ODF2: variants seen among roughly 807,000 people sequenced by gnomAD.
The protein encoded by ODF2 is outer dense fiber of sperm tails 2, also known as outer dense fiber protein 2.
In ODF2, 47 loss-of-function variants were observed where a neutral mutation model predicts 110.2. The observed-to-expected ratio is 0.43, with a 90% confidence interval of 0.34 to 0.54. The LOEUF is 0.54. Among genes scored for constraint, ODF2 ranks in the 20% least tolerant of loss-of-function variants. The pLI is 0.03. For missense variants in ODF2, 812 were observed against 1,054.5 expected (o/e 0.77, Z 3.19); for synonymous variants, 352 against 397.7 (o/e 0.89, Z 1.37).
chr9:128,473,529 C>T (rs1588843605), intron 7 of ODF2, 81 bp from the exon 8 acceptor site: 1 of 1,575,288 alleles, frequency 6.3e-7, no homozygotes, highest in East Asian at 2.3e-5. Context: ...GGCTTTCTGG[C>T]ACCAGACCTC....
chr9:128,499,036 G>T, exon 20 of ODF2: 1 of 1,614,204 alleles, frequency 6.2e-7, no homozygotes, highest in Non-Finnish European at 8.5e-7. Context: ...TCTCCAAGGA[G>T]CGAGCAGCCC....
intron 1 of ODF2, 179 bp downstream of exon 1, chr9:128,456,434 G>A: frequency 6.6e-7 from 1 of 1,504,906 alleles, no homozygotes; most frequent in Non-Finnish European, 8.8e-7. Flanking sequence ...ACCGGCGCGG[G>A]GCCTCTCCTC....
intron 18 of ODF2, among the ~76,000 whole-genome samples, chr9:128,497,041 T>C (rs1037876223): frequency 6.6e-6 from 1 of 152,058 alleles, no homozygotes; most frequent in Non-Finnish European, 1.5e-5. Context: ...AATAATCTTT[T>C]CATGGTGGTG....
rs1007618788 is a variant in ODF2 at position 128,485,297 on chromosome 9, C to G, written c.1291-68C>G. On this transcript the variant is annotated intron_variant, in intron 12 of 20. Coordinates refer to ENST00000604420, the Ensembl canonical transcript of ODF2. This position sits in a 1 kb window ranked among gnomAD's most constrained non-coding sequence, Gnocchi z 5.0. ...GGTGAGAAACCACCTAGGATGAGCC[C>G]GCTCCCAGCTCCTGGCAGCCTCACC... The G allele has an allele frequency of 6.1e-6, 5 of 825,390 alleles. No homozygotes were observed. In the Admixed American group the frequency reaches 1.1e-4, roughly 18 times the overall value. The allele number at this position is 825,390 out of a possible 1,614,324, so 51.1% of individuals were successfully genotyped here.
At chr9:128,464,373 C>T (rs1837306983) in intron 4 of ODF2, among the ~76,000 whole-genome samples, 1 of 151,988 alleles carries the variant, frequency 6.6e-6, no homozygotes, top group African/African-American at 2.4e-5. Context: ...CCAGGCTGGT[C>T]TCGAACTCTT....
At chr9:128,466,439 G>A (rs1401361973) in intron 4 of ODF2, among the ~76,000 whole-genome samples, 1 of 147,720 alleles carries the variant, frequency 6.8e-6, no homozygotes, top group African/African-American at 2.5e-5. Context: ...TGCACTCCAG[G>A]CTGCTTGACA....
chr9:128,460,364 C>G, intron 3 of ODF2, 186 bp from the exon 3 acceptor site: 1 of 1,423,662 alleles, frequency 7.0e-7, no homozygotes, highest in Non-Finnish European at 9.3e-7. Context: ...GCTGGGATCT[C>G]TGCAGGAGCC....
chr9:128,500,503 A>G, downstream of ODF2: 1 of 486,478 alleles, frequency 2.1e-6, no homozygotes, highest in South Asian at 3.1e-5. Flanking sequence ...CCTTAAATTT[A>G]CTACTACATT....
chr9:128,477,927 T>C (rs1257168401), intron 8 of ODF2, among the ~76,000 whole-genome samples: 3 of 152,054 alleles, frequency 2.0e-5, no homozygotes, highest in Non-Finnish European at 4.4e-5. Flanking sequence ...AAAATAAGTG[T>C]CTACATAGTT....
At chr9:128,498,910 G>C in intron 19 of ODF2, 91 bp from the exon 20 acceptor site, 6 of 1,542,234 alleles carry the variant, frequency 3.9e-6, no homozygotes, top group Non-Finnish European at 5.3e-6. Context: ...AGTGCTGTCT[G>C]CAAGACCAGA....
At chr9:128,473,487 G>C (rs1840535579) in intron 7 of ODF2, 123 bp from the exon 8 acceptor site, 1 of 1,467,316 alleles carries the variant, frequency 6.8e-7, no homozygotes, top group Admixed American at 2.1e-5. Flanking sequence ...TGATCACCTT[G>C]GCACTGTACA....
rs1016495356 is a variant in ODF2, at chr9:128,500,388, G to C, written c.*133G>C. The stretch of plus-strand genomic sequence containing the variant: ...TTCAGGGTCTTGTCCTTAGCTACTA[G>C]CTCTAGAAAAGTCCCAAAAGCAGCA... On this transcript the variant is annotated 3_prime_UTR_variant, in exon 21 of 21. Transcript: ENST00000604420. 2.7e-5 allele frequency: 22 copies of C among 812,258 alleles called. No individual in the cohort carries two copies. In the African/African-American group the frequency reaches 3.4e-4, roughly 13 times the overall value. 50.3% of individuals were successfully genotyped at this position (812,258 alleles called of 1,614,324 possible). A position where few individuals can be genotyped will look rare whatever the true frequency, so the allele number is the denominator to read the frequency against.
At chr9:128,491,395 C>T (rs957682260) in intron 14 of ODF2, among the ~76,000 whole-genome samples, 17 of 151,564 alleles carry the variant, frequency 1.1e-4, no homozygotes, top group Admixed American at 7.9e-4. Context: ...TGGTGGCTCA[C>T]GCCTATAATC....
rs535098167 is a variant in ODF2 at position 128,462,218 on chromosome 9, C to T, written c.249+1151C>T. On this transcript the variant is annotated intron_variant, in intron 4 of 20. Coordinates refer to ENST00000604420, the Ensembl canonical transcript of ODF2. The stretch of plus-strand genomic sequence containing the variant: ...CCAGGCTGGAGTGCAGTGGCGCGAT[C>T]TTGGCTCACCACAACCTCCGCCTCC... Among the ~76,000 whole-genome samples, 10 of 151,518 alleles carry T rather than the reference C, an allele frequency of 6.6e-5. No homozygotes were observed. The East Asian group carries it at 1.9e-3, about 29-fold the overall frequency.
At chr9:128,478,981 G>A (rs1386064376) in intron 8 of ODF2, among the ~76,000 whole-genome samples, 4 of 152,130 alleles carry the variant, frequency 2.6e-5, no homozygotes, top group Admixed American at 6.6e-5. Flanking sequence ...TAGAGTAGGG[G>A]GCTTTGGTGA....
intron 3 of ODF2, among the ~76,000 whole-genome samples, 169 bp downstream of exon 2, chr9:128,459,826 G>A (rs1468653444): frequency 6.6e-6 from 1 of 151,954 alleles, no homozygotes; most frequent in Non-Finnish European, 1.5e-5. Flanking sequence ...CATCATTTTT[G>A]CCTGTGGTGA....
chr9:128,469,024 A>G, intron 4 of ODF2, 159 bp from the exon 5 acceptor site: 1 of 608,380 alleles, frequency 1.6e-6, no homozygotes, highest in Non-Finnish European at 2.9e-6. Flanking sequence ...ATGGATAGGT[A>G]ATGTTCCATC....
chr9:128,499,161 G>C (rs1464639431), intron 20 of ODF2, 35 bp downstream of exon 20: 6 of 1,613,154 alleles, frequency 3.7e-6, no homozygotes, highest in Non-Finnish European at 4.2e-6. Flanking sequence ...TAGGAGAGTG[G>C]GCAGCAGACC....
At chr9:128,468,968 G>A (rs1839024441) in intron 4 of ODF2, 1 of 534,620 alleles carries the variant, frequency 1.9e-6, no homozygotes, top group South Asian at 2.8e-5. Flanking sequence ...TGTAGCCCAA[G>A]CTTTTAATTT....
Sources: allele counts gnomAD v4.1 joint callset (sites outside exome capture counted in the v4.1 genomes callset), GRCh38; gene constraint gnomAD v4.1.1; non-coding constraint Gnocchi (gnomAD v3.1); transcripts MANE v1.5; gene names NCBI Gene and HGNC (gene_info 2026-07-23, HGNC 2026-07-21).